ME3: variants seen among roughly 807,000 people sequenced by gnomAD.
ME3 encodes NADP-dependent malic enzyme, mitochondrial.
A neutral mutation model predicts 68.9 loss-of-function variants in ME3; 48 were observed. The ratio of observed to expected loss-of-function variants is 0.70; its 90% confidence interval spans 0.55 to 0.89. The LOEUF (loss-of-function observed/expected upper bound fraction) is 0.89. Among genes scored for constraint, ME3 ranks in the 40% least tolerant of loss-of-function variants. The probability of loss-of-function intolerance (pLI) is 0.00; values close to 1 mark genes in which losing one functional copy is unlikely to be tolerated. For synonymous variants in ME3, 320 were observed against 318.8 expected (o/e 1.00, Z -0.04); for missense variants, 675 against 797.4 (o/e 0.85, Z 1.85).
chr11:86,536,836 C>G (rs1021315942), intron 4 of ME3, among the ~76,000 whole-genome samples: 1 of 152,074 alleles, frequency 6.6e-6, no homozygotes, highest in African/African-American at 2.4e-5. Context: ...CACATGCACA[C>G]GTATGTTTAT....
chr11:86,552,429 G>A (rs890604576), intron 4 of ME3, among the ~76,000 whole-genome samples: 3 of 152,148 alleles, frequency 2.0e-5, no homozygotes, highest in African/African-American at 4.8e-5. Flanking sequence ...AATCCAGTGT[G>A]AGCAAGAATC....
At chr11:86,610,043 G>A (rs1019493738) in intron 2 of ME3, among the ~76,000 whole-genome samples, 3 of 152,164 alleles carry the variant, frequency 2.0e-5, no homozygotes, top group African/African-American at 4.8e-5. Flanking sequence ...AGTTGAGGAA[G>A]GCTACATACA....
In ME3 at chr11:86,457,660, C is replaced by T. The variant is rs768986615; in HGVS notation, c.920-7262G>A. On this transcript the variant is annotated intron_variant, in intron 8 of 14. Coordinates refer to ENST00000543262, the Ensembl canonical transcript of ME3. Reference sequence around the variant, plus strand: ...TGGAAAGGAAGCTACTTAGCTGTTTCGAGGTAACCACTCTGAGAAGCCCAT... The same window carrying T: ...TGGAAAGGAAGCTACTTAGCTGTTTTGAGGTAACCACTCTGAGAAGCCCAT... 23 of 1,284,350 alleles carry T rather than the reference C, an allele frequency of 1.8e-5. No homozygotes were observed. In the Admixed American group the frequency reaches 1.8e-4, roughly 10 times the overall value. The allele number at this position is 1,284,350 out of a possible 1,614,324, so 79.6% of individuals were successfully genotyped here.
At chr11:86,449,598 G>C (rs1375164356) in intron 10 of ME3, among the ~76,000 whole-genome samples, 1 of 152,190 alleles carries the variant, frequency 6.6e-6, no homozygotes, top group African/African-American at 2.4e-5. Context: ...GGAAGACAGA[G>C]AGCAGGCTGC....
At chr11:86,525,839 G>A (rs188451449) in intron 4 of ME3, among the ~76,000 whole-genome samples, 4 of 140,626 alleles carry the variant, frequency 2.8e-5, no homozygotes, top group Non-Finnish European at 4.5e-5. Context: ...TCCAGCCTGG[G>A]CAACAAGGGC....
At chr11:86,667,091 C>G (rs1047574477) in intron 2 of ME3, among the ~76,000 whole-genome samples, 1 of 152,228 alleles carries the variant, frequency 6.6e-6, no homozygotes, top group Admixed American at 6.5e-5. Context: ...AGGTTTACTG[C>G]TCTAAATGTA....
intron 4 of ME3, among the ~76,000 whole-genome samples, chr11:86,522,416 A>G (rs1353993287): frequency 6.6e-6 from 1 of 150,590 alleles, no homozygotes; most frequent in Non-Finnish European, 1.5e-5. Flanking sequence ...GTATTGTTAC[A>G]TAGGTATACA....
intron 2 of ME3, among the ~76,000 whole-genome samples, chr11:86,638,462 AAAT>A (rs1214381005): frequency 3.9e-5 from 6 of 152,202 alleles, no homozygotes; most frequent in African/African-American, 7.2e-5. Flanking sequence ...GCACACAAAT[AAAT>A]AAGTAGAACT....
intron 2 of ME3, among the ~76,000 whole-genome samples, chr11:86,573,049 CAT>C (rs751567709): frequency 2.0e-5 from 3 of 146,868 alleles, no homozygotes; most frequent in Non-Finnish European, 4.5e-5. Context: ...AGCTTTTTCT[CAT>C]ATGTTTGTTG....
intron 4 of ME3, among the ~76,000 whole-genome samples, chr11:86,511,435 T>C (rs180716152): frequency 6.6e-6 from 1 of 152,322 alleles, no homozygotes; most frequent in East Asian, 1.9e-4. Flanking sequence ...AAACCGCCTT[T>C]GCAAAGATTA....
At chr11:86,543,506 A>T (rs962369321) in intron 4 of ME3, among the ~76,000 whole-genome samples, 4 of 152,234 alleles carry the variant, frequency 2.6e-5, no homozygotes, top group Non-Finnish European at 2.9e-5. Flanking sequence ...TTGCAATCCT[A>T]GTCTCTGATA....
At chr11:86,577,061 C>T (rs1958156208) in intron 2 of ME3, among the ~76,000 whole-genome samples, 1 of 152,118 alleles carries the variant, frequency 6.6e-6, no homozygotes, top group Admixed American at 6.6e-5. Flanking sequence ...CTTCTTATCT[C>T]ATCACTCTTT....
chr11:86,553,376 T>A (rs1477292919), intron 4 of ME3, among the ~76,000 whole-genome samples: 1 of 152,214 alleles, frequency 6.6e-6, no homozygotes, highest in Non-Finnish European at 1.5e-5. Context: ...TTTCAGAAAC[T>A]GAGAAGGTGC....
At chr11:86,478,090 A>G (rs1951184621) in intron 7 of ME3, among the ~76,000 whole-genome samples, 1 of 152,076 alleles carries the variant, frequency 6.6e-6, no homozygotes, top group Admixed American at 6.6e-5. Context: ...ATTGGTAGCT[A>G]GCCTGGTGTG....
At chr11:86,670,576 G>A (rs1232356184) in intron 2 of ME3, among the ~76,000 whole-genome samples, 1 of 152,196 alleles carries the variant, frequency 6.6e-6, no homozygotes, top group Non-Finnish European at 1.5e-5. Flanking sequence ...GTTTCTTTTG[G>A]AAAGAGCAGG....
At chr11:86,613,630 A>G (rs1942752359) in intron 2 of ME3, among the ~76,000 whole-genome samples, 1 of 152,220 alleles carries the variant, frequency 6.6e-6, no homozygotes, top group South Asian at 2.1e-4. Context: ...GTCTCAGGAT[A>G]CAAAATCAAT....
chr11:86,439,474 A>G (rs1424538038), downstream of ME3, among the ~76,000 whole-genome samples: 1 of 152,220 alleles, frequency 6.6e-6, no homozygotes, highest in Non-Finnish European at 1.5e-5. Flanking sequence ...AGCCAATTGC[A>G]TTTGAATTCC....
intron 2 of ME3, among the ~76,000 whole-genome samples, chr11:86,565,190 C>T (rs143662272): frequency 1.3e-5 from 2 of 152,180 alleles, no homozygotes; most frequent in Admixed American, 6.5e-5. Flanking sequence ...TTAAAACACA[C>T]ACGTACACAT....
At chr11:86,642,768 G>A (rs1044958289) in intron 2 of ME3, among the ~76,000 whole-genome samples, 1 of 152,066 alleles carries the variant, frequency 6.6e-6, no homozygotes, top group African/African-American at 2.4e-5. Context: ...CAGTCTCAAA[G>A]TACACCTTCA....
Sources: gnomAD v4.1 joint callset for allele counts (sites outside exome capture counted in the v4.1 genomes callset) on GRCh38, gnomAD v4.1.1 for gene constraint, MANE v1.5 for transcripts, NCBI Gene and HGNC (gene_info 2026-07-23, HGNC 2026-07-21) for gene names.